AUH: variants seen among roughly 807,000 people sequenced by gnomAD.
The protein encoded by AUH is AU RNA binding methylglutaconyl-CoA hydratase, also known as methylglutaconyl-CoA hydratase, mitochondrial.
A neutral mutation model predicts 42.3 loss-of-function variants in AUH; 29 were observed. That is an observed-to-expected ratio of 0.69 (90% CI 0.51 to 0.93). The LOEUF (loss-of-function observed/expected upper bound fraction) is 0.93, where lower values mean the gene tolerates loss of function less well. Ranked by LOEUF, AUH falls within the 40% of genes least tolerant of loss-of-function variation. AUH has a pLI of 0.00. For synonymous variants in AUH, 174 were observed against 166.4 expected (o/e 1.05, Z -0.35); for missense variants, 452 against 438.1 (o/e 1.03, Z -0.28).
chr9:91,215,466 A>G (rs1384320249), intron 9 of AUH, among the ~76,000 whole-genome samples: 1 of 152,202 alleles, frequency 6.6e-6, no homozygotes, highest in Non-Finnish European at 1.5e-5. Flanking sequence ...TTCTTATACT[A>G]TATTGTTCAG....
intron 6 of AUH, among the ~76,000 whole-genome samples, chr9:91,268,709 C>T (rs897034658): frequency 2.6e-5 from 4 of 152,152 alleles, no homozygotes; most frequent in Admixed American, 1.3e-4. Flanking sequence ...AGATTACAGG[C>T]GTGAGCCACC....
intron 3 of AUH, 138 bp from the exon 4 acceptor site, chr9:91,325,542 T>C: frequency 1.4e-6 from 1 of 725,712 alleles, no homozygotes; most frequent in Admixed American, 2.1e-5. Context: ...ATTACCTCAG[T>C]TTTCCTTCCC....
intron 3 of AUH, among the ~76,000 whole-genome samples, chr9:91,354,987 TTAC>T (rs1832297276): frequency 6.6e-6 from 1 of 152,118 alleles, no homozygotes; most frequent in Admixed American, 6.6e-5. Context: ...GCAGACAGTA[TTAC>T]TCACATTTGA....
chr9:91,302,437 A>G (rs1335438341), intron 4 of AUH, among the ~76,000 whole-genome samples: 1 of 152,168 alleles, frequency 6.6e-6, no homozygotes, highest in Non-Finnish European at 1.5e-5. Context: ...TAAAAATACA[A>G]AATTAGCTGG....
chr9:91,313,071 G>T (rs929805373), intron 4 of AUH, among the ~76,000 whole-genome samples: 1 of 93,948 alleles, frequency 1.1e-5, no homozygotes, highest in Non-Finnish European at 2.2e-5. Flanking sequence ...AGGCTTTGCG[G>T]GGGGGGTTGT....
At position 91,361,870 on chromosome 9, in the gene AUH, G is replaced by T. The variant is rs863223911; in HGVS notation, c.20C>A (p.Ala7Glu). The change falls in exon 1 of 10, where the codon GCG becomes GAG. Residue 7 changes from alanine to glutamate, a missense_variant. Physicochemically the swap from Ala to Glu is moderately radical, Grantham distance 107 (BLOSUM62 -1). Coordinates refer to ENST00000375731, the MANE Select transcript of AUH (RefSeq NM_001698.3). The stretch of plus-strand genomic sequence containing the variant: ...CAGGGATCCCAAGGCCCCAGGTGCC[G>T]CCGCCACCGCGGCCGCCATGTTGTC... Reference protein sequence around the residue: MAAAVAAAPGALGSLHA... With the variant: MAAAVAEAPGALGSLHA... 8 of 1,468,958 alleles carry T rather than the reference G, an allele frequency of 5.4e-6. No individual in the cohort carries two copies. The highest frequency in any genetic ancestry group is 2.5e-5 in the Admixed American group (1 of 40,380). The allele number at this position is 1,468,958 out of a possible 1,614,324, so 91.0% of individuals were successfully genotyped here.
At chr9:91,274,950 T>C (rs1825427287) in intron 6 of AUH, among the ~76,000 whole-genome samples, 2 of 152,100 alleles carry the variant, frequency 1.3e-5, no homozygotes, top group African/African-American at 4.8e-5. Flanking sequence ...AACTAGTTGC[T>C]CCTAACCACA....
At chr9:91,313,093 G>C (rs553994340) in intron 4 of AUH, among the ~76,000 whole-genome samples, 4 of 152,246 alleles carry the variant, frequency 2.6e-5, no homozygotes, top group African/African-American at 9.6e-5. Flanking sequence ...TTTTTGGCAA[G>C]GGTTAAAGCA....
intron 3 of AUH, among the ~76,000 whole-genome samples, chr9:91,348,984 T>C (rs1484565773): frequency 1.3e-5 from 2 of 152,150 alleles, no homozygotes; most frequent in African/African-American, 4.8e-5. Flanking sequence ...AATACAAACT[T>C]GTTAAACTAC....
intron 6 of AUH, among the ~76,000 whole-genome samples, chr9:91,287,500 T>C (rs1026091278): frequency 2.0e-5 from 3 of 152,160 alleles, no homozygotes; most frequent in Non-Finnish European, 2.9e-5. Flanking sequence ...AACTGTCTAC[T>C]TTTGTTAACT....
Position 91,282,369 on chromosome 9 carries a change from A to G in AUH, c.655+13652T>C, listed in dbSNP as rs78160897. 3.8e-4 allele frequency among the ~76,000 whole-genome samples: 58 copies of G among 151,998 alleles called. 1 individual carries two copies. In the East Asian group the frequency reaches 0.01, roughly 26 times the overall value. On this transcript the variant is annotated intron_variant, in intron 6 of 9. Transcript: ENST00000375731. ...TTCTATAGCACCTTCCACTTCTGCC[A>G]TAATACACAATTTATCATGTGCTAG...
chr9:91,348,405 TG>T (rs1475084840), intron 3 of AUH, among the ~76,000 whole-genome samples: 2 of 152,162 alleles, frequency 1.3e-5, no homozygotes, highest in African/African-American at 2.4e-5. Context: ...ACTATTTACC[TG>T]AGAGAAATAA....
chr9:91,257,846 CAA>C (rs1467947635), intron 6 of AUH, among the ~76,000 whole-genome samples: 2 of 152,302 alleles, frequency 1.3e-5, no homozygotes, highest in African/African-American at 4.8e-5. Context: ...CAGATTAGTT[CAA>C]AGAGAAAGGA....
At chr9:91,284,887 T>C (rs1187180014) in intron 6 of AUH, among the ~76,000 whole-genome samples, 1 of 152,208 alleles carries the variant, frequency 6.6e-6, no homozygotes, top group Non-Finnish European at 1.5e-5. Flanking sequence ...TCAACCACTG[T>C]GGAAGACAGT....
chr9:91,356,033 G>T, intron 2 of AUH, 55 bp downstream of exon 2: 2 of 1,585,532 alleles, frequency 1.3e-6, no homozygotes, highest in Non-Finnish European at 1.7e-6. Flanking sequence ...TTTTTACATT[G>T]ATGACAATAA....
chr9:91,313,532 C>T (rs1225226768), intron 4 of AUH, among the ~76,000 whole-genome samples: 1 of 151,190 alleles, frequency 6.6e-6, no homozygotes, highest in Non-Finnish European at 1.5e-5. Flanking sequence ...GGTGAAACCC[C>T]GTCTCTACTA....
Position 91,220,908 on chromosome 9 carries a change from T to G in AUH, c.740A>C (p.Glu247Ala), listed in dbSNP as rs1827096246. ...GCTGATTAAGCCCACTGCTTTGGCT[T>G]CTTTGCCATCGAGGACTCGCGCAGA... is the stretch of plus-strand genomic sequence containing the variant. Reference protein sequence around the residue: ...IFSARVLDGKEAKAVGLISHV... With the variant: ...IFSARVLDGKAAKAVGLISHV... Residue 247 changes from glutamate to alanine, a missense_variant, in exon 7 of 10, where the codon GAA becomes GCA. By Grantham distance (107) the Glu-to-Ala change is moderately radical (BLOSUM62 -1). Transcript: ENST00000375731. 1.2e-6 allele frequency: 2 copies of G among 1,614,248 alleles called. No homozygotes were observed. The highest frequency in any genetic ancestry group is 1.7e-6 in the Non-Finnish European group (2 of 1,180,034).
intron 3 of AUH, among the ~76,000 whole-genome samples, chr9:91,334,629 T>C (rs1007064237): frequency 5.9e-5 from 9 of 152,194 alleles, no homozygotes; most frequent in Admixed American, 1.3e-4. Context: ...ACAATAAATC[T>C]TTTATATTTC....
chr9:91,248,046 G>A (rs1828895517), intron 6 of AUH, among the ~76,000 whole-genome samples: 1 of 152,030 alleles, frequency 6.6e-6, no homozygotes, highest in African/African-American at 2.4e-5. Context: ...TTTTTCTCAT[G>A]TGGATCATGT....
Sources: gnomAD v4.1 joint callset for allele counts (sites outside exome capture counted in the v4.1 genomes callset) on GRCh38, gnomAD v4.1.1 for gene constraint, MANE v1.5 for transcripts, NCBI Gene and HGNC (gene_info 2026-07-23, HGNC 2026-07-21) for gene names.